The following HSD11B1L variants were observed in gnomAD, a reference collection of about 807,000 sequenced individuals.
The protein encoded by HSD11B1L is hydroxysteroid 11-beta dehydrogenase 1 like.
HSD11B1L carries 22 observed loss-of-function variants against 27.0 expected under a neutral mutation model. The ratio of observed to expected loss-of-function variants is 0.81; its 90% CI spans 0.58 to 1.16. The LOEUF (loss-of-function observed/expected upper bound fraction) is 1.16. HSD11B1L is among the 50% of genes most tolerant of loss of function. HSD11B1L has a pLI of 0.00. For synonymous variants in HSD11B1L, 187 were observed against 189.2 expected, an observed-to-expected ratio of 0.99 and a Z score of 0.09; for missense variants, 372 against 401.8, an observed-to-expected ratio of 0.93 and a Z score of 0.63.
Position 5,688,234 on chromosome 19 carries a change from G to A in HSD11B1L, c.*289G>A, listed in dbSNP as rs2054763833. On this transcript the variant is annotated 3_prime_UTR_variant, in exon 8 of 8. Transcript: ENST00000339423. ...TCCATTTTGCAGATGAGGAAACTAA[G>A]GCTCAGAGAGGCCACGCCACCCTTG... 6.6e-7 allele frequency: 1 copy of A among 1,509,958 alleles called. No individual in the cohort carries two copies. The highest frequency in any genetic ancestry group is 1.4e-5 in the African/African-American group (1 of 72,016). 93.5% of individuals were successfully genotyped at this position (1,509,958 alleles called of 1,614,324 possible). A position where few individuals can be genotyped will look rare whatever the true frequency, so the allele number is the denominator to read the frequency against.
Position 5,685,083 on chromosome 19 carries a change from G to A in HSD11B1L, c.168G>A (p.Leu56=), listed in dbSNP as rs374641413. ...ACTACGCGCGTCTGGGCTCCCACCTGGTGCTCACTGCCCACACTGAGGCTC... is the reference window on the plus strand; with the variant it reads ...ACTACGCGCGTCTGGGCTCCCACCTAGTGCTCACTGCCCACACTGAGGCTC... ...AYHYARLGSH[L]VLTAHTEALL... Residue 56 remains leucine (L), a synonymous_variant, in exon 3 of 8, where the codon CTG becomes CTA. Transcript: ENST00000339423. The surrounding 1 kb of genome is among the most constrained non-coding windows in gnomAD (Gnocchi z 4.3). The A allele has an allele frequency of 3.5e-5, 55 of 1,551,184 alleles. No homozygotes were observed. Among genetic ancestry groups the A allele is most frequent in the Non-Finnish European group, 4.6e-5 (53 of 1,147,696 alleles).
Position 5,687,785 on chromosome 19 carries a change from C to G in HSD11B1L, c.701C>G (p.Pro234Arg). ...ACGAGGGTCAAGGCGGCCCCGGGGC[C>G]CAAGGCAGCCCTGGCCGTGATCCGC... Reference protein sequence around the residue: ...GVTRVKAAPGPKAALAVIRGG... With the variant: ...GVTRVKAAPGRKAALAVIRGG... Residue 234 changes from proline (P) to arginine (R), a missense_variant, in exon 8 of 8, where the codon CCC becomes CGC. Pro to Arg is a moderately radical substitution (Grantham distance 103, BLOSUM62 -2). Transcript: ENST00000339423. The surrounding 1 kb of genome is among the most constrained non-coding windows in gnomAD (Gnocchi z 6.6). 1 of 1,491,318 alleles carries G rather than the reference C, an allele frequency of 6.7e-7. No individual in the cohort carries two copies. The highest frequency in any genetic ancestry group is 2.5e-5 in the East Asian group (1 of 40,304). The allele number at this position is 1,491,318 out of a possible 1,614,324, so 92.4% of individuals were successfully genotyped here. A position where few individuals can be genotyped will look rare whatever the true frequency, so the allele number is the denominator to read the frequency against.
Position 5,688,261 on chromosome 19 carries a change from G to T in HSD11B1L, c.*316G>T, listed in dbSNP as rs948204653. 1.5e-6 allele frequency: 2 copies of T among 1,334,122 alleles called. No homozygotes were observed. Among genetic ancestry groups the T allele is most frequent in the African/African-American group, 2.9e-5 (2 of 68,466 alleles). 82.6% of individuals were successfully genotyped at this position (1,334,122 alleles called of 1,614,324 possible). ...CTCAGAGAGGCCACGCCACCCTTGA[G>T]CCACCCATGGACCCCTCTCCATCTC... On this transcript the variant is annotated 3_prime_UTR_variant, in exon 8 of 8. Coordinates refer to ENST00000339423, the MANE Select transcript of HSD11B1L (RefSeq NM_198706.3).
In HSD11B1L at chr19:5,687,702, G is replaced by A; in HGVS notation, c.668+34G>A. On this transcript the variant is annotated intron_variant, in intron 7 of 7. Transcript: ENST00000339423. The surrounding 1 kb of genome is among the most constrained non-coding windows in gnomAD (Gnocchi z 6.6). ...CGGACAAGCTGGGGGCTGGGCTGGG[G>A]GCCATGGCCCAGCCCCAGCCGCAGT... The A allele has an allele frequency of 6.5e-7, 1 of 1,537,302 alleles. No homozygotes were observed. Among genetic ancestry groups the A allele is most frequent in the Non-Finnish European group, 8.7e-7 (1 of 1,146,294 alleles).
chr19:5,681,575 T>G (rs2054547727), intron 1 of HSD11B1L, among the ~76,000 whole-genome samples: 1 of 151,872 alleles, frequency 6.6e-6, no homozygotes, highest in Non-Finnish European at 1.5e-5. Flanking sequence ...CTCATCCATC[T>G]GTCCACCCAT....
chr19:5,684,982 TG>T lies in HSD11B1L; in HGVS notation c.74-5del. ...CCGCCCAGAGTGACCACCCCGGCTA[TG>T]GCCAGCCAGCCTCCAGGGAGCGCGA... On this transcript the variant is annotated splice_region_variant and splice_polypyrimidine_tract_variant and intron_variant, in intron 2 of 7. Coordinates refer to ENST00000339423, the MANE Select transcript of HSD11B1L (RefSeq NM_198706.3). 1 of 1,610,262 alleles carries T rather than the reference TG, an allele frequency of 6.2e-7. No homozygotes were observed. The highest frequency in any genetic ancestry group is 8.5e-7 in the Non-Finnish European group (1 of 1,178,422).
At chr19:5,681,911 C>T (rs1169573801) in intron 1 of HSD11B1L, among the ~76,000 whole-genome samples, 1 of 152,244 alleles carries the variant, frequency 6.6e-6, no homozygotes, top group Non-Finnish European at 1.5e-5. Flanking sequence ...GGTCCCACTT[C>T]CCCCTGCCGG....
chr19:5,682,313 T>C (rs568720976), intron 1 of HSD11B1L, among the ~76,000 whole-genome samples: 8 of 151,606 alleles, frequency 5.3e-5, no homozygotes, highest in African/African-American at 1.9e-4. Flanking sequence ...GAAGCCAGTG[T>C]GGAGGTGGGG....
chr19:5,681,231 C>T lies in HSD11B1L; in HGVS notation c.-55C>T, dbSNP rs1206598641. 1 of 152,484 alleles carries T rather than the reference C, an allele frequency of 6.6e-6. No individual in the cohort carries two copies. Among genetic ancestry groups the T allele is most frequent in the African/African-American group, 2.4e-5 (1 of 41,428 alleles). The allele number at this position is 152,484 out of a possible 1,614,324, so 9.4% of individuals were successfully genotyped here. On this transcript the variant is annotated 5_prime_UTR_variant, in exon 1 of 8. Transcript: ENST00000339423. Reference sequence around the variant, plus strand: ...TTCGCGTGGCTCCCAGCCCGGGACCCCACCCCCGCTGGACAGTGGGGGAAA... The same window carrying T: ...TTCGCGTGGCTCCCAGCCCGGGACCTCACCCCCGCTGGACAGTGGGGGAAA...
chr19:5,687,903 GT>G lies in HSD11B1L; in HGVS notation c.822del (p.Phe274LeufsTer97). On this transcript the variant is annotated frameshift_variant, in exon 8 of 8. Transcript: ENST00000339423. LOFTEE classifies it high-confidence loss of function. This position sits in a 1 kb window ranked among gnomAD's most constrained non-coding sequence, Gnocchi z 6.6. ...GCTGGCTACCGCGCCCGCGGGCCTG[GT>G]TTATCCGCCAGGAGCTCAACGTCAC... ...RRWLPRPRAW[F>X]IRQELNVTAA... is the part of the protein sequence containing the mutation. 2 of 1,575,376 alleles carry G rather than the reference GT, an allele frequency of 1.3e-6. No individual in the cohort carries two copies. The highest frequency in any genetic ancestry group is 8.6e-7 in the Non-Finnish European group (1 of 1,160,448).
chr19:5,684,198 T>C, intron 1 of HSD11B1L: 1 of 367,004 alleles, frequency 2.7e-6, no homozygotes. Flanking sequence ...GTATTTTTAA[T>C]AGAGATGGGG....
At chr19:5,686,856 C>A in intron 4 of HSD11B1L, 44 bp from the exon 5 acceptor site, 1 of 1,477,750 alleles carries the variant, frequency 6.8e-7, no homozygotes, top group Non-Finnish European at 9.1e-7. Flanking sequence ...TTGATCGTTT[C>A]CTTGGGGAGG....
Position 5,686,966 on chromosome 19 carries a change from C to G in HSD11B1L, c.383C>G (p.Pro128Arg). 2.6e-6 allele frequency: 4 copies of G among 1,551,044 alleles called. No homozygotes were observed. Among genetic ancestry groups the G allele is most frequent in the East Asian group, 2.4e-5 (1 of 41,086 alleles). The change falls in exon 5 of 8, where the codon CCC (proline) becomes CGC (arginine). Residue 128 changes from proline (P) to arginine (R), a missense_variant. Pro to Arg is a moderately radical substitution (Grantham distance 103, BLOSUM62 -2). Coordinates refer to ENST00000339423, the MANE Select transcript of HSD11B1L (RefSeq NM_198706.3). ...GAPAGTRARS[P>R]QATRWLMQVN... ...CCGGCCGGCACGCGAGCCCGCAGCC[C>G]CCAGGCAACTCGCTGGCTCATGCAG...
chr19:5,685,571 A>G lies in HSD11B1L; in HGVS notation c.204+452A>G, dbSNP rs1025356431. 4 of 181,504 alleles carry G rather than the reference A, an allele frequency of 2.2e-5. No individual in the cohort carries two copies. The highest frequency in any genetic ancestry group is 4.8e-5 in the Non-Finnish European group (4 of 83,916). 11.2% of individuals were successfully genotyped at this position (181,504 alleles called of 1,614,324 possible). ...TACTAAAAATACAAAAAATAAAAAT[A>G]AAATAAATAAATAAAAAATTAGCCG... On this transcript the variant is annotated intron_variant, in intron 3 of 7. Transcript: ENST00000339423. The surrounding 1 kb of genome is among the most constrained non-coding windows in gnomAD (Gnocchi z 4.3).
At position 5,685,022 on chromosome 19, in the gene HSD11B1L, G is replaced by A. The variant is rs1483902768; in HGVS notation, c.107G>A (p.Gly36Glu). ...SLQGARVLLT[G>E]ANAGVGEELA... is the part of the protein sequence containing the mutation. ...CAGGGAGCGCGAGTGCTGCTGACAGGGGCCAACGCTGGTGTTGGTGAGGAG... is the reference window on the plus strand; with the variant it reads ...CAGGGAGCGCGAGTGCTGCTGACAGAGGCCAACGCTGGTGTTGGTGAGGAG... The change falls in exon 3 of 8, where the codon GGG (glycine) becomes GAG (glutamate). Residue 36 changes from glycine (G) to glutamate (E), a missense_variant. Physicochemically the swap from Gly to Glu is moderately conservative, Grantham distance 98 (BLOSUM62 -2). Transcript: ENST00000339423. The surrounding 1 kb of genome is among the most constrained non-coding windows in gnomAD (Gnocchi z 4.3). The A allele has an allele frequency of 9.5e-6, 15 of 1,584,966 alleles. No homozygotes were observed. The highest frequency in any genetic ancestry group is 3.4e-5 in the South Asian group (3 of 88,482).
At chr19:5,684,080 A>G in intron 1 of HSD11B1L, 1 of 476,860 alleles carries the variant, frequency 2.1e-6, no homozygotes, top group Non-Finnish European at 3.8e-6. Context: ...GGTTCAAGCG[A>G]TTCTCCTGCC....
intron 4 of HSD11B1L, 67 bp from the exon 5 acceptor site, chr19:5,686,833 T>C (rs942217349): frequency 7.5e-7 from 1 of 1,341,058 alleles, no homozygotes. Context: ...GGAGCTAAGC[T>C]CGGGGGCGGG....
At chr19:5,683,695 C>G (rs2054613469) in intron 1 of HSD11B1L, among the ~76,000 whole-genome samples, 3 of 152,108 alleles carry the variant, frequency 2.0e-5, no homozygotes, top group Admixed American at 2.0e-4. Context: ...AGTTCAAAAT[C>G]AGCCTGGGCA....
chr19:5,688,266 C>G lies in HSD11B1L; in HGVS notation c.*321C>G, dbSNP rs552658327. 6 of 1,244,538 alleles carry G rather than the reference C, an allele frequency of 4.8e-6. No homozygotes were observed. The East Asian group carries it at 7.6e-5, about 16-fold the overall frequency. 77.1% of individuals were successfully genotyped at this position (1,244,538 alleles called of 1,614,324 possible). A position where few individuals can be genotyped will look rare whatever the true frequency, so the allele number is the denominator to read the frequency against. ...AGAGGCCACGCCACCCTTGAGCCAC[C>G]CATGGACCCCTCTCCATCTCCTGCC... On this transcript the variant is annotated 3_prime_UTR_variant, in exon 8 of 8. Transcript: ENST00000339423.
Sources: gnomAD v4.1 joint callset for allele counts (sites outside exome capture counted in the v4.1 genomes callset) on GRCh38, gnomAD v4.1.1 for gene constraint, Gnocchi (gnomAD v3.1) non-coding constraint, MANE v1.5 for transcripts, NCBI Gene and HGNC (gene_info 2026-07-23, HGNC 2026-07-21) for gene names.